ARFGEF3: variants seen among roughly 807,000 people sequenced by gnomAD.
The protein encoded by ARFGEF3 is ARFGEF family member 3.
ARFGEF3 carries 96 observed loss-of-function variants against 221.7 expected under a neutral mutation model. The observed-to-expected ratio is 0.43, with a 90% CI of 0.37 to 0.51. The LOEUF (loss-of-function observed/expected upper bound fraction) is 0.51. ARFGEF3 is among the 20% of genes least tolerant of loss of function. The pLI, the probability that ARFGEF3 is intolerant of heterozygous loss-of-function variation, is 0.00. For missense variants in ARFGEF3, 2,410 were observed against 2,789.9 expected (o/e 0.86, Z 3.07); for synonymous variants, 1,145 against 1,126.8 (o/e 1.02, Z -0.32).
intron 14 of ARFGEF3, among the ~76,000 whole-genome samples, chr6:138,283,984 G>A (rs765874395): frequency 3.3e-5 from 5 of 152,052 alleles, no homozygotes; most frequent in Non-Finnish European, 7.4e-5. Flanking sequence ...CATCCTCTTG[G>A]GGTGAGGGTG....
rs1424815016 is a variant in ARFGEF3, at chr6:138,229,767, C to T, written c.352-17C>T. 2 of 1,604,728 alleles carry T rather than the reference C, an allele frequency of 1.2e-6. No individual in the cohort carries two copies. Among genetic ancestry groups the T allele is most frequent in the Non-Finnish European group, 1.7e-6 (2 of 1,171,648 alleles). Reference sequence around the variant, plus strand: ...GTTAACCCCTTGTCTCTTCTTTCATCTCTCACCTTGTTAAAGGTTTTACTA... The same window carrying T: ...GTTAACCCCTTGTCTCTTCTTTCATTTCTCACCTTGTTAAAGGTTTTACTA... On this transcript the variant is annotated splice_polypyrimidine_tract_variant and intron_variant, in intron 4 of 33. Coordinates refer to ENST00000251691, the MANE Select transcript of ARFGEF3 (RefSeq NM_020340.5).
chr6:138,163,374 T>TC (rs1285158991), intron 1 of ARFGEF3, among the ~76,000 whole-genome samples: 1 of 152,168 alleles, frequency 6.6e-6, no homozygotes, highest in Non-Finnish European at 1.5e-5. Context: ...GGACCAGAAA[T>TC]CTGAGAGAAC....
intron 5 of ARFGEF3, among the ~76,000 whole-genome samples, chr6:138,235,837 A>G (rs1488556940): frequency 1.3e-5 from 2 of 152,166 alleles, no homozygotes. Context: ...CCTTTTTGTC[A>G]TATTCAGTCT....
At chr6:138,321,578 A>G (rs1323581505) in intron 29 of ARFGEF3, among the ~76,000 whole-genome samples, 1 of 152,220 alleles carries the variant, frequency 6.6e-6, no homozygotes, top group African/African-American at 2.4e-5. Flanking sequence ...AAAGACAGGT[A>G]ATAACAAATG....
Position 138,307,159 on chromosome 6 carries a change from CA to C in ARFGEF3, c.3829-90del, listed in dbSNP as rs1046547769. The C allele has an allele frequency of 2.0e-5, 26 of 1,321,780 alleles. No individual in the cohort carries two copies. In the African/African-American group the frequency reaches 3.6e-4, roughly 18 times the overall value. The allele number at this position is 1,321,780 out of a possible 1,614,324, so 81.9% of individuals were successfully genotyped here. Reference sequence around the variant, plus strand: ...TTTTCCTTTTCACTAAAATTAACTCCAAAATAGGGGACAGAGAAATACATCA... The same window carrying C: ...TTTTCCTTTTCACTAAAATTAACTCCAAATAGGGGACAGAGAAATACATCA... On this transcript the variant is annotated intron_variant, in intron 22 of 33. Transcript: ENST00000251691.
chr6:138,236,008 A>T (rs1399091087), intron 5 of ARFGEF3, among the ~76,000 whole-genome samples: 1 of 152,232 alleles, frequency 6.6e-6, no homozygotes, highest in Non-Finnish European at 1.5e-5. Context: ...CAGTGCTGGC[A>T]TTAAAACTAA....
At chr6:138,307,474 T>A in intron 23 of ARFGEF3, 77 bp downstream of exon 23, 131 of 1,058,226 alleles carry the variant, frequency 1.2e-4, no homozygotes, top group South Asian at 1.8e-4. Context: ...AAAAAAAAAA[T>A]TGAACAATAG....
intron 2 of ARFGEF3, among the ~76,000 whole-genome samples, chr6:138,194,511 G>T (rs1171378710): frequency 2.0e-5 from 3 of 152,110 alleles, no homozygotes. Context: ...TGTGATCCAG[G>T]GCAGGGCAGA....
intron 2 of ARFGEF3, among the ~76,000 whole-genome samples, chr6:138,182,392 G>A (rs1241730858): frequency 1.3e-5 from 2 of 152,032 alleles, no homozygotes; most frequent in Admixed American, 6.5e-5. Flanking sequence ...GCTATATTTC[G>A]CCATTGCCCA....
In ARFGEF3 at chr6:138,263,519, C is replaced by T; in HGVS notation, c.2036C>T (p.Ser679Phe). 4 of 1,613,612 alleles carry T rather than the reference C, an allele frequency of 2.5e-6. No homozygotes were observed. The highest frequency in any genetic ancestry group is 1.7e-6 in the Non-Finnish European group (2 of 1,179,838). Residue 679 changes from serine to phenylalanine, a missense_variant, in exon 12 of 34, where the codon TCC becomes TTC. Ser to Phe is a radical substitution (Grantham distance 155). Coordinates refer to ENST00000251691, the MANE Select transcript of ARFGEF3 (RefSeq NM_020340.5). ...CACAGCGCCAGGCTGTTCATACAGT[C>T]CCTGGAAGGCCTCCTCCCTCGGCTC... ...DQHSARLFIQSLEGLLPRLLS... is the reference protein window; with the variant it reads ...DQHSARLFIQFLEGLLPRLLS...
intron 7 of ARFGEF3, 113 bp downstream of exon 7, chr6:138,243,107 T>C: frequency 1.2e-6 from 1 of 856,800 alleles, no homozygotes; most frequent in Non-Finnish European, 1.9e-6. Flanking sequence ...TGTTTTACCA[T>C]TCTCTTGGAG....
chr6:138,230,031 G>C (rs995204907), intron 5 of ARFGEF3, among the ~76,000 whole-genome samples, 179 bp downstream of exon 5: 3 of 152,246 alleles, frequency 2.0e-5, no homozygotes, highest in African/African-American at 7.2e-5. Flanking sequence ...GCCATCCTTA[G>C]TTGTAATGCC....
chr6:138,275,719 G>T (rs941320619), intron 12 of ARFGEF3, among the ~76,000 whole-genome samples: 3 of 151,204 alleles, frequency 2.0e-5, no homozygotes, highest in Admixed American at 2.0e-4. Context: ...ACTCCAGCCT[G>T]GGTGACAGAA....
intron 10 of ARFGEF3, among the ~76,000 whole-genome samples, chr6:138,260,119 CGAGA>C (rs140828142): frequency 6.6e-6 from 1 of 150,834 alleles, no homozygotes; most frequent in African/African-American, 2.4e-5. Flanking sequence ...AGAGAGGGGG[CGAGA>C]GAGAGAGAGG....
chr6:138,208,867 G>A (rs1777669245), intron 3 of ARFGEF3, among the ~76,000 whole-genome samples: 1 of 152,166 alleles, frequency 6.6e-6, no homozygotes, highest in Non-Finnish European at 1.5e-5. Context: ...GGAGCCTGAG[G>A]AGGTTTAGTG....
chr6:138,329,377 G>C (rs528643373), intron 32 of ARFGEF3, among the ~76,000 whole-genome samples: 2 of 152,150 alleles, frequency 1.3e-5, no homozygotes, highest in East Asian at 3.9e-4. Flanking sequence ...ATCAAAACTG[G>C]CTCTGGGCTG....
intron 8 of ARFGEF3, among the ~76,000 whole-genome samples, chr6:138,248,368 G>T (rs1778522833): frequency 6.6e-6 from 1 of 152,130 alleles, no homozygotes; most frequent in African/African-American, 2.4e-5. Flanking sequence ...GCTGTCGGGG[G>T]TGCTTCTCCC....
Position 138,290,001 on chromosome 6 carries a change from T to C in ARFGEF3, c.3047+33T>C. On this transcript the variant is annotated intron_variant, in intron 18 of 33. Transcript: ENST00000251691. Reference sequence around the variant, plus strand: ...ACGGGCTCCCACCCCCAGATGGCACTAACCCTGCCTTGGGAAACCTGGAGT... The same window carrying C: ...ACGGGCTCCCACCCCCAGATGGCACCAACCCTGCCTTGGGAAACCTGGAGT... 5 of 1,580,506 alleles carry C rather than the reference T, an allele frequency of 3.2e-6. No individual in the cohort carries two copies. In the South Asian group the frequency reaches 4.6e-5, roughly 15 times the overall value.
At chr6:138,218,289 G>A (rs761564524) in intron 4 of ARFGEF3, 1 of 1,591,750 alleles carries the variant, frequency 6.3e-7, no homozygotes, top group South Asian at 1.1e-5. Context: ...TAGAATGCCT[G>A]GTAGCCTTGG....
Sources: allele counts gnomAD v4.1 joint callset (sites outside exome capture counted in the v4.1 genomes callset), GRCh38; gene constraint gnomAD v4.1.1; transcripts MANE v1.5; gene names NCBI Gene and HGNC (gene_info 2026-07-23, HGNC 2026-07-21).